WDPCP: variants seen among roughly 807,000 people sequenced by gnomAD.
WDPCP encodes WD repeat containing planar cell polarity effector, also known as WD repeat-containing and planar cell polarity effector protein fritz homolog.
WDPCP carries 71 observed loss-of-function variants against 93.1 expected under a neutral mutation model. That is an observed-to-expected ratio of 0.76 (90% CI 0.63 to 0.93). The LOEUF is 0.93. Among genes scored for constraint, WDPCP ranks in the 40% least tolerant of loss-of-function variants. WDPCP has a pLI of 0.00. For missense variants in WDPCP, 844 were observed against 887.4 expected (o/e 0.95, Z 0.62); for synonymous variants, 315 against 315.0 (o/e 1.00, Z 0.00).
intron 2 of WDPCP, among the ~76,000 whole-genome samples, chr2:63,666,463 G>A (rs754985347): frequency 1.3e-5 from 2 of 152,166 alleles, no homozygotes; most frequent in African/African-American, 2.4e-5. Flanking sequence ...TTGGTTCTCC[G>A]TGTATGTTTA....
chr2:63,558,293 G>T (rs1408067002), intron 1 of WDPCP, among the ~76,000 whole-genome samples: 1 of 152,064 alleles, frequency 6.6e-6, no homozygotes, highest in Admixed American at 6.5e-5. Context: ...ACTTTGGGAG[G>T]GTGAGGCGGG....
chr2:63,243,635 G>A (rs569824584), intron 14 of WDPCP, among the ~76,000 whole-genome samples: 2 of 152,218 alleles, frequency 1.3e-5, no homozygotes, highest in South Asian at 4.1e-4. Flanking sequence ...ATGATAAAGT[G>A]TTCAATTTAT....
At chr2:63,577,487 A>G (rs1412028216) in intron 1 of WDPCP, among the ~76,000 whole-genome samples, 1 of 152,150 alleles carries the variant, frequency 6.6e-6, no homozygotes, top group Non-Finnish European at 1.5e-5. Flanking sequence ...CCTTTATCCC[A>G]TTTCAAGCAT....
chr2:63,279,213 A>G (rs1683321445), intron 13 of WDPCP, among the ~76,000 whole-genome samples: 1 of 152,248 alleles, frequency 6.6e-6, no homozygotes, highest in African/African-American at 2.4e-5. Flanking sequence ...TCTCTGATGA[A>G]CATAGATGCA....
At chr2:63,376,653 A>G (rs1331201360) in intron 12 of WDPCP, among the ~76,000 whole-genome samples, 1 of 151,920 alleles carries the variant, frequency 6.6e-6, no homozygotes, top group African/African-American at 2.4e-5. Context: ...AATATTAGCA[A>G]TAAGAGCAAA....
intron 1 of WDPCP, among the ~76,000 whole-genome samples, chr2:63,521,456 A>G (rs898986276): frequency 3.3e-5 from 5 of 152,202 alleles, no homozygotes; most frequent in Non-Finnish European, 7.3e-5. Flanking sequence ...CAAAAAAGAC[A>G]AAGAAGGGCA....
At chr2:63,276,934 T>C (rs2104903368) in intron 13 of WDPCP, among the ~76,000 whole-genome samples, 1 of 152,252 alleles carries the variant, frequency 6.6e-6, no homozygotes, top group Middle Eastern at 3.4e-3. Context: ...CATCAAGTTA[T>C]CTAAAGTTAA....
chr2:63,445,546 A>G (rs1279685086), intron 6 of WDPCP, among the ~76,000 whole-genome samples: 2 of 152,212 alleles, frequency 1.3e-5, no homozygotes, highest in African/African-American at 4.8e-5. Flanking sequence ...CCTAGAAAGT[A>G]TTTGACCACA....
At chr2:63,815,005 C>T (rs1190203981) in intron 1 of WDPCP, among the ~76,000 whole-genome samples, 1 of 152,144 alleles carries the variant, frequency 6.6e-6, no homozygotes, top group Non-Finnish European at 1.5e-5. Context: ...TGTATCTATA[C>T]TTTTCTAAAA....
chr2:63,220,178 C>T (rs1574909827), intron 14 of WDPCP, among the ~76,000 whole-genome samples: 1 of 152,138 alleles, frequency 6.6e-6, no homozygotes, highest in Non-Finnish European at 1.5e-5. Flanking sequence ...AAAAGTTGCA[C>T]ATGTATTTTA....
At chr2:63,251,794 A>G (rs1680749458) in intron 14 of WDPCP, among the ~76,000 whole-genome samples, 1 of 151,880 alleles carries the variant, frequency 6.6e-6, no homozygotes, top group Admixed American at 6.6e-5. Flanking sequence ...CCTAGCCAGA[A>G]AGCCTACCAA....
At chr2:63,532,558 C>A (rs1013286849) in intron 1 of WDPCP, among the ~76,000 whole-genome samples, 2 of 152,196 alleles carry the variant, frequency 1.3e-5, no homozygotes, top group African/African-American at 2.4e-5. Context: ...CAATATTCAA[C>A]ATTCTCAAAG....
intron 14 of WDPCP, among the ~76,000 whole-genome samples, chr2:63,196,910 A>T (rs13000147): frequency 1.3e-5 from 2 of 152,184 alleles, no homozygotes; most frequent in Non-Finnish European, 2.9e-5. Flanking sequence ...TGACTGTTCA[A>T]GACTGCTTTT....
chr2:63,722,846 G>A (rs1296569609), intron 2 of WDPCP, among the ~76,000 whole-genome samples: 3 of 152,074 alleles, frequency 2.0e-5, no homozygotes, highest in Non-Finnish European at 4.4e-5. Flanking sequence ...ATAGAAAGGC[G>A]AGAAAGGTGG....
In WDPCP at chr2:63,646,577, G is replaced by A. The variant is rs567957596; in HGVS notation, n.488+4082C>T. Among the ~76,000 whole-genome samples the A allele has an allele frequency of 1.7e-3, 252 of 151,542 alleles. 9 individuals carry two copies. Among genetic ancestry groups the A allele is most frequent in the Admixed American group, 1.1e-3 (17 of 15,236 alleles). ...TTAAGTCCTTCCATTAGCATTTCTT[G>A]TAGGACAGGTCTGGTGTTAATGAAA... On this transcript the variant is annotated intron_variant and non_coding_transcript_variant, in intron 3 of 4. Transcript: ENST00000467687.
At chr2:63,530,695 T>C (rs115742170) in intron 1 of WDPCP, among the ~76,000 whole-genome samples, 6,902 of 152,286 alleles carry the variant, frequency 0.045, 189 homozygotes, top group South Asian at 0.071. Context: ...GCAGGCCAAA[T>C]TGTTGGTTTG....
intron 14 of WDPCP, among the ~76,000 whole-genome samples, chr2:63,257,842 A>T (rs779197168): frequency 3.9e-5 from 6 of 152,162 alleles, no homozygotes; most frequent in Non-Finnish European, 8.8e-5. Flanking sequence ...AAATGCAAAG[A>T]TGGCCCTCAT....
intron 13 of WDPCP, among the ~76,000 whole-genome samples, chr2:63,295,093 AT>A (rs1684744492): frequency 2.0e-5 from 3 of 152,334 alleles, no homozygotes; most frequent in Non-Finnish European, 2.9e-5. Context: ...TTATAGCCTT[AT>A]AACTTTAGGA....
chr2:63,719,118 A>G (rs1009237114), intron 2 of WDPCP, among the ~76,000 whole-genome samples: 1 of 152,260 alleles, frequency 6.6e-6, no homozygotes, highest in African/African-American at 2.4e-5. Flanking sequence ...AGAGGTGTAT[A>G]GGTTGAAGGA....
Sources: allele counts gnomAD v4.1 joint callset (sites outside exome capture counted in the v4.1 genomes callset), GRCh38; gene constraint gnomAD v4.1.1; transcripts MANE v1.5; gene names NCBI Gene and HGNC (gene_info 2026-07-23, HGNC 2026-07-21).